Variants in RGS7 observed in about 807,000 individuals in gnomAD.
RGS7 encodes regulator of G-protein signaling 7.
Under a neutral mutation model 81.1 loss-of-function variants are expected in RGS7, and 27 were observed. The observed-to-expected ratio is 0.33, with a 90% CI of 0.25 to 0.46. The LOEUF (loss-of-function observed/expected upper bound fraction) is 0.46, where lower values mean the gene tolerates loss of function less well. Among genes scored for constraint, RGS7 ranks in the 20% least tolerant of loss-of-function variants. The pLI, the probability that RGS7 is intolerant of heterozygous loss-of-function variation, is 1.00. For synonymous variants in RGS7, 208 were observed against 207.7 expected (o/e 1.00, Z -0.01); for missense variants, 396 against 607.4 (o/e 0.65, Z 3.66).
chr1:241,220,966 G>C (rs1309144605), intron 2 of RGS7, among the ~76,000 whole-genome samples: 4 of 49,500 alleles, frequency 8.1e-5, no homozygotes, highest in Admixed American at 2.6e-4. Flanking sequence ...AGGAAGGAAG[G>C]AAGGAAGGAA....
At chr1:241,020,286 A>G (rs565887779) in intron 3 of RGS7, among the ~76,000 whole-genome samples, 1 of 152,320 alleles carries the variant, frequency 6.6e-6, no homozygotes, top group African/African-American at 2.4e-5. Flanking sequence ...TTGGTGGATT[A>G]ATAAACAGGA....
intron 4 of RGS7, among the ~76,000 whole-genome samples, chr1:240,968,495 A>C (rs762357447): frequency 6.6e-6 from 1 of 152,094 alleles, no homozygotes; most frequent in Non-Finnish European, 1.5e-5. Flanking sequence ...GGAAGCAGGA[A>C]TTCTGGATAA....
intron 2 of RGS7, among the ~76,000 whole-genome samples, chr1:241,148,051 C>CTTTTTTT (rs58632066): frequency 2.6e-3 from 281 of 108,442 alleles, no homozygotes; most frequent in Non-Finnish European, 3.8e-3. Context: ...TTTTCTTTTT[C>CTTTTTTT]TTTTTTTTTT....
chr1:241,197,807 AC>A (rs1316007327), intron 2 of RGS7, among the ~76,000 whole-genome samples: 2 of 150,742 alleles, frequency 1.3e-5, no homozygotes, highest in African/African-American at 2.4e-5. Context: ...GCAGAAAAAA[AC>A]AATCAGTAAA....
At chr1:240,985,733 C>T (rs1451476213) in intron 3 of RGS7, among the ~76,000 whole-genome samples, 1 of 151,958 alleles carries the variant, frequency 6.6e-6, no homozygotes, top group Admixed American at 6.6e-5. Context: ...TTAACCTATG[C>T]TCCATCTGTA....
At chr1:241,070,648 C>T (rs920610467) in intron 3 of RGS7, among the ~76,000 whole-genome samples, 1 of 152,192 alleles carries the variant, frequency 6.6e-6, no homozygotes, top group African/African-American at 2.4e-5. Context: ...GGCCCAGCTG[C>T]CCTGCCCATG....
intron 2 of RGS7, among the ~76,000 whole-genome samples, chr1:241,297,368 T>C (rs1413008829): frequency 6.6e-6 from 1 of 152,174 alleles, no homozygotes; most frequent in African/African-American, 2.4e-5. Flanking sequence ...GTCCCACCTA[T>C]GTGGGGAGAA....
chr1:241,269,077 G>GTGAT (rs2077739453), intron 2 of RGS7, among the ~76,000 whole-genome samples: 1 of 152,216 alleles, frequency 6.6e-6, no homozygotes, highest in African/African-American at 2.4e-5. Flanking sequence ...ATTATACAGA[G>GTGAT]TGATATTGAT....
At chr1:241,080,943 C>T (rs561829099) in intron 3 of RGS7, among the ~76,000 whole-genome samples, 1 of 152,200 alleles carries the variant, frequency 6.6e-6, no homozygotes, top group East Asian at 1.9e-4. Context: ...GCCTGAGGAG[C>T]CCATATTCAC....
chr1:241,175,799 A>G (rs1447632086), intron 2 of RGS7, among the ~76,000 whole-genome samples: 1 of 152,154 alleles, frequency 6.6e-6, no homozygotes. Context: ...GAGGAGGAAA[A>G]ACCATTGCAG....
intron 2 of RGS7, among the ~76,000 whole-genome samples, chr1:241,169,537 G>A (rs1040275988): frequency 8.6e-5 from 13 of 151,724 alleles, no homozygotes; most frequent in East Asian, 1.9e-4. Flanking sequence ...TAGAGACGGG[G>A]TTTCACCATC....
At chr1:241,107,098 G>T (rs563956570) in intron 2 of RGS7, among the ~76,000 whole-genome samples, 53 of 152,220 alleles carry the variant, frequency 3.5e-4, no homozygotes, top group African/African-American at 1.2e-3. Flanking sequence ...CTCGAAGACG[G>T]GCACATAAGT....
intron 6 of RGS7, among the ~76,000 whole-genome samples, chr1:240,911,197 T>C (rs1208393101): frequency 6.6e-6 from 1 of 152,248 alleles, no homozygotes; most frequent in South Asian, 2.1e-4. Context: ...TGACTCAGCA[T>C]CATTTACATC....
chr1:241,188,658 C>T (rs573992328), intron 2 of RGS7, among the ~76,000 whole-genome samples: 166 of 152,262 alleles, frequency 1.1e-3, no homozygotes, highest in Non-Finnish European at 1.9e-3. Context: ...AAAACCACCT[C>T]ATGATAGTCT....
At chr1:241,349,293 T>C (rs929020043) in intron 2 of RGS7, among the ~76,000 whole-genome samples, 40 of 152,300 alleles carry the variant, frequency 2.6e-4, no homozygotes, top group Admixed American at 2.2e-3. Flanking sequence ...TTCCACCCAT[T>C]GTCTCCTTAA....
At chr1:240,812,099 T>A in intron 13 of RGS7, 56 bp from the exon 14 acceptor site, 1 of 1,599,226 alleles carries the variant, frequency 6.3e-7, no homozygotes. Flanking sequence ...TCCCATTTTT[T>A]TGTTATTACA....
At chr1:240,832,879 A>G (rs996667666) in intron 9 of RGS7, among the ~76,000 whole-genome samples, 3 of 152,158 alleles carry the variant, frequency 2.0e-5, no homozygotes, top group African/African-American at 7.2e-5. Flanking sequence ...TCAAATATGC[A>G]TAGTCCCCCC....
chr1:240,985,078 C>A (rs1349722191), intron 3 of RGS7, among the ~76,000 whole-genome samples: 1 of 152,204 alleles, frequency 6.6e-6, no homozygotes, highest in African/African-American at 2.4e-5. Context: ...AGGCAGTTGA[C>A]CGTGTCCCGG....
chr1:241,138,915 G>GT (rs2067718523), intron 2 of RGS7, among the ~76,000 whole-genome samples: 1 of 151,876 alleles, frequency 6.6e-6, no homozygotes, highest in African/African-American at 2.4e-5. Flanking sequence ...GCTTTTTTCT[G>GT]TAATACATGA....
Sources: gnomAD v4.1 joint callset for allele counts (sites outside exome capture counted in the v4.1 genomes callset) on GRCh38, gnomAD v4.1.1 for gene constraint, MANE v1.5 for transcripts, NCBI Gene and HGNC (gene_info 2026-07-23, HGNC 2026-07-21) for gene names.